Variants in CUX1 observed in about 807,000 individuals in gnomAD.
CUX1 encodes protein CASP.
A neutral mutation model predicts 158.8 loss-of-function variants in CUX1; 31 were observed. That is an observed-to-expected ratio of 0.20 (90% confidence interval 0.15 to 0.26). CUX1 has a LOEUF of 0.26. Ranked by LOEUF, CUX1 falls within the 10% of genes least tolerant of loss-of-function variation. The probability of loss-of-function intolerance (pLI) is 1.00; values close to 1 mark genes in which losing one functional copy is unlikely to be tolerated. For missense variants in CUX1, 1,589 were observed against 2,014.6 expected (o/e 0.79, Z 4.04); for synonymous variants, 879 against 862.1 (o/e 1.02, Z -0.34).
intron 4 of CUX1, among the ~76,000 whole-genome samples, chr7:102,096,122 C>T (rs1563234656): frequency 6.6e-6 from 1 of 152,270 alleles, no homozygotes; most frequent in Non-Finnish European, 1.5e-5. Context: ...GACCCCAGCG[C>T]TGGCCTGGCT....
intron 8 of CUX1, among the ~76,000 whole-genome samples, chr7:102,134,845 C>T (rs1256037156): frequency 6.6e-6 from 1 of 152,136 alleles, no homozygotes; most frequent in Non-Finnish European, 1.5e-5. Context: ...ATCCTCCCAC[C>T]TCTCCCTCCC....
At chr7:101,848,780 G>C (rs1291647453) in intron 1 of CUX1, among the ~76,000 whole-genome samples, 1 of 151,820 alleles carries the variant, frequency 6.6e-6, no homozygotes, top group East Asian at 1.9e-4. Flanking sequence ...GGGAGGCAGA[G>C]ATGGGAGGAT....
intron 6 of CUX1, among the ~76,000 whole-genome samples, chr7:102,108,293 T>G (rs1218418894): frequency 6.6e-6 from 1 of 152,226 alleles, no homozygotes; most frequent in Non-Finnish European, 1.5e-5. Context: ...AGCAAACTCA[T>G]GCATTACCAC....
intron 20 of CUX1, among the ~76,000 whole-genome samples, chr7:102,214,448 C>A (rs1298703475): frequency 2.0e-5 from 3 of 152,210 alleles, no homozygotes; most frequent in African/African-American, 7.2e-5. Flanking sequence ...TGCCTGAGCC[C>A]AGGAGTTGAA....
chr7:102,066,360 C>A (rs576724234), intron 3 of CUX1, among the ~76,000 whole-genome samples: 2 of 152,260 alleles, frequency 1.3e-5, no homozygotes, highest in Admixed American at 1.3e-4. Context: ...CCTGCAGAGA[C>A]CCTAGCTCCA....
chr7:101,834,165 CTTTTTTTTTTTT>C (rs575992276), intron 1 of CUX1, among the ~76,000 whole-genome samples: 3 of 71,092 alleles, frequency 4.2e-5, no homozygotes, highest in African/African-American at 5.8e-5. Context: ...CTGATTGTTT[CTTTTTTTTTTTT>C]TTTTTTTTTT....
chr7:102,281,374 T>C (rs1792048246), intron 20 of CUX1, among the ~76,000 whole-genome samples: 1 of 151,528 alleles, frequency 6.6e-6, no homozygotes, highest in Non-Finnish European at 1.5e-5. Context: ...TTTTAAAGAA[T>C]TCCGGTGGCC....
chr7:101,866,886 T>A (rs148482860), intron 1 of CUX1, among the ~76,000 whole-genome samples: 3 of 152,150 alleles, frequency 2.0e-5, no homozygotes, highest in Non-Finnish European at 2.9e-5. Context: ...AATATAGGAA[T>A]AAGGCATATA....
intron 2 of CUX1, among the ~76,000 whole-genome samples, chr7:101,956,240 C>T (rs1055855622): frequency 5.3e-5 from 8 of 151,880 alleles, no homozygotes; most frequent in Admixed American, 2.0e-4. Flanking sequence ...GAAATGCACG[C>T]GCCCTCATTT....
chr7:101,842,791 T>G (rs950761606), intron 1 of CUX1, among the ~76,000 whole-genome samples: 6 of 142,232 alleles, frequency 4.2e-5, no homozygotes, highest in Non-Finnish European at 6.1e-5. Context: ...GATGTATTGG[T>G]TTTTTTTTTT....
At chr7:102,100,793 C>G (rs1394225975) in intron 5 of CUX1, among the ~76,000 whole-genome samples, 3 of 129,392 alleles carry the variant, frequency 2.3e-5, no homozygotes, top group Non-Finnish European at 4.9e-5. Flanking sequence ...ATAACAAGAC[C>G]TATCTCTTAA....
chr7:102,257,303 A>G lies in CUX1; in HGVS notation c.*8261A>G. ...AAACAATGGTCCCCATCTCCCCAGA[A>G]GCCTTTTTTTTTTTCATTTTTCTCT... On this transcript the variant is annotated 3_prime_UTR_variant, in exon 24 of 24. Transcript: ENST00000292535. The G allele has an allele frequency of 3.6e-5, 35 of 977,890 alleles. No individual in the cohort carries two copies. Among genetic ancestry groups the G allele is most frequent in the Non-Finnish European group, 4.0e-5 (33 of 827,122 alleles). The allele number at this position is 977,890 out of a possible 1,614,324, so 60.6% of individuals were successfully genotyped here.
At chr7:101,834,202 CTCCCT>C (rs1446286243) in intron 1 of CUX1, among the ~76,000 whole-genome samples, 12 of 108,776 alleles carry the variant, frequency 1.1e-4, no homozygotes, top group Non-Finnish European at 2.0e-4. Context: ...GAGATGGAGT[CTCCCT>C]CTGTTGCCCA....
intron 11 of CUX1, among the ~76,000 whole-genome samples, chr7:102,184,760 CTTTAGCCTCCCAA>C (rs1469978091): frequency 7.2e-5 from 11 of 152,358 alleles, no homozygotes; most frequent in African/African-American, 2.6e-4. Context: ...GATCCTCCCA[CTTTAGCCTCCCAA>C]GTAGCTGGAA....
chr7:102,189,398 A>T lies in CUX1; in HGVS notation c.1018-415A>T, dbSNP rs115018285. Among the ~76,000 whole-genome samples, 395 of 103,034 alleles carry T rather than the reference A, an allele frequency of 3.8e-3. 3 individuals carry two copies. Among genetic ancestry groups the T allele is most frequent in the African/African-American group, 0.01 (250 of 24,356 alleles). The allele number at this position is 103,034 out of a possible 152,430, so 67.6% of individuals were successfully genotyped here. On this transcript the variant is annotated intron_variant, in intron 11 of 23. Coordinates refer to ENST00000292535, the MANE Select transcript of CUX1 (RefSeq NM_181552.4). ...GATGCTTTTTTTTTTTTTTTTTTAA[A>T]AAAAAAAGAGGTAGGGTCTCCACTC... is the stretch of plus-strand genomic sequence containing the variant.
Position 101,916,471 on chromosome 7 carries a change from T to A in CUX1, c.141+246T>A, listed in dbSNP as rs978398314. 2.5e-6 allele frequency: 1 copy of A among 398,874 alleles called. No homozygotes were observed. The highest frequency in any genetic ancestry group is 4.8e-6 in the Non-Finnish European group (1 of 207,570). 24.7% of individuals were successfully genotyped at this position (398,874 alleles called of 1,614,324 possible). ...AGTCAGAGCCAATTCCAGGTGCAGA[T>A]ACTGGACAAGCTTGGTCTGTAAGAA... On this transcript the variant is annotated intron_variant, in intron 2 of 23. Coordinates refer to ENST00000292535, the MANE Select transcript of CUX1 (RefSeq NM_181552.4). The surrounding 1 kb of genome is among the most constrained non-coding windows in gnomAD (Gnocchi z 4.4).
At chr7:102,018,724 C>T (rs953319840) in intron 2 of CUX1, among the ~76,000 whole-genome samples, 3 of 131,532 alleles carry the variant, frequency 2.3e-5, no homozygotes, top group Admixed American at 1.5e-4. Flanking sequence ...TTGAGGACTC[C>T]GGAGAGCTTG....
chr7:102,165,192 G>T (rs1554508322), intron 9 of CUX1, among the ~76,000 whole-genome samples: 1 of 151,932 alleles, frequency 6.6e-6, no homozygotes, highest in Non-Finnish European at 1.5e-5. Context: ...CTGGCCCAAG[G>T]CCCTGTCTTT....
intron 2 of CUX1, among the ~76,000 whole-genome samples, chr7:101,935,233 A>AC (rs1448086453): frequency 1.1e-4 from 17 of 151,706 alleles, no homozygotes; most frequent in Non-Finnish European, 2.9e-5. Context: ...GCACCTTGTG[A>AC]CCCCCACTCT....
Sources: allele counts gnomAD v4.1 joint callset (sites outside exome capture counted in the v4.1 genomes callset), GRCh38; gene constraint gnomAD v4.1.1; non-coding constraint Gnocchi (gnomAD v3.1); transcripts MANE v1.5; gene names NCBI Gene and HGNC (gene_info 2026-07-23, HGNC 2026-07-21).